The following ATOSA variants were observed in gnomAD, a reference collection of about 807,000 sequenced individuals.
The protein encoded by ATOSA is atos homolog A, also known as atos homolog protein A.
the ATOSA span, among the ~76,000 whole-genome samples, chr15:52,639,342 G>C: frequency 2.0e-5 from 3 of 152,154 alleles, no homozygotes; most frequent in Non-Finnish European, 4.4e-5. Flanking sequence ...AAAGTCTACT[G>C]ACAATAACCT....
chr15:52,630,926 C>G, the ATOSA span, among the ~76,000 whole-genome samples: 1 of 152,064 alleles, frequency 6.6e-6, no homozygotes, highest in Non-Finnish European at 1.5e-5. Flanking sequence ...GTTTAAAAAA[C>G]AAGCTAAACA....
At chr15:52,602,653 G>C in the ATOSA span, among the ~76,000 whole-genome samples, 1 of 152,210 alleles carries the variant, frequency 6.6e-6, no homozygotes, top group African/African-American at 2.4e-5. Context: ...TACCATGTGT[G>C]GCTTAGATTT....
the ATOSA span, among the ~76,000 whole-genome samples, chr15:52,626,293 T>C: frequency 6.6e-6 from 1 of 152,272 alleles, no homozygotes; most frequent in African/African-American, 2.4e-5. Context: ...ATTTAAGTAC[T>C]ACGGGAAAAG....
At chr15:52,598,006 C>T in the ATOSA span, among the ~76,000 whole-genome samples, 2 of 152,072 alleles carry the variant, frequency 1.3e-5, no homozygotes, top group Non-Finnish European at 2.9e-5. Flanking sequence ...CTCCTGTAAT[C>T]CCAGTTACTT....
At chr15:52,630,906 T>C in the ATOSA span, among the ~76,000 whole-genome samples, 1 of 152,216 alleles carries the variant, frequency 6.6e-6, no homozygotes, top group Non-Finnish European at 1.5e-5. Flanking sequence ...ATGATTCTAT[T>C]TGCATAAAAG....
At chr15:52,709,493 T>C in the ATOSA span, among the ~76,000 whole-genome samples, 1 of 152,326 alleles carries the variant, frequency 6.6e-6, no homozygotes, top group East Asian at 1.9e-4. Context: ...GTGCAGAGTA[T>C]TTTTCACACT....
At chr15:52,589,334 GA>G in the ATOSA span, among the ~76,000 whole-genome samples, 68 of 152,138 alleles carry the variant, frequency 4.5e-4, no homozygotes, top group African/African-American at 1.5e-3. Context: ...GTTTCAGAAA[GA>G]AAAAGTAAAA....
chr15:52,616,829 A>G, the ATOSA span, among the ~76,000 whole-genome samples: 1 of 152,192 alleles, frequency 6.6e-6, no homozygotes, highest in African/African-American at 2.4e-5. Context: ...TGAGAGAAAC[A>G]AGAGACTTTG....
At chr15:52,638,223 T>A in the ATOSA span, among the ~76,000 whole-genome samples, 1 of 152,344 alleles carries the variant, frequency 6.6e-6, no homozygotes, top group African/African-American at 2.4e-5. Context: ...TGAAGAAATT[T>A]TAAAGCAACA....
chr15:52,681,550 A>G, the ATOSA span, among the ~76,000 whole-genome samples: 3 of 152,174 alleles, frequency 2.0e-5, no homozygotes, highest in Admixed American at 1.3e-4. Context: ...TGAAATGGCA[A>G]TTCACTCTAA....
chr15:52,651,987 C>A, the ATOSA span: 1 of 1,530,060 alleles, frequency 6.5e-7, no homozygotes, highest in Non-Finnish European at 8.7e-7. Context: ...CAGATGTCTG[C>A]AGCGGTTAAA....
At chr15:52,638,698 CAAAA>C in the ATOSA span, among the ~76,000 whole-genome samples, 6 of 100,816 alleles carry the variant, frequency 6.0e-5, no homozygotes. Context: ...GAGACTCTGC[CAAAA>C]AAAAAAAAAA....
At chr15:52,600,157 T>A in the ATOSA span, 1 of 1,609,400 alleles carries the variant, frequency 6.2e-7, no homozygotes, top group Non-Finnish European at 8.5e-7. Context: ...TAAGACTTGT[T>A]ATAGGTGGAG....
chr15:52,695,055 G>A, the ATOSA span, among the ~76,000 whole-genome samples: 3 of 151,944 alleles, frequency 2.0e-5, no homozygotes, highest in African/African-American at 7.3e-5. Flanking sequence ...CTCCCAAGAA[G>A]CTGGGATTAC....
the ATOSA span, among the ~76,000 whole-genome samples, chr15:52,641,807 GCT>G: frequency 3.3e-5 from 5 of 152,130 alleles, no homozygotes; most frequent in Non-Finnish European, 4.4e-5. Context: ...GTTTCATATT[GCT>G]CTGTTTCCTC....
At chr15:52,624,502 G>A in the ATOSA span, among the ~76,000 whole-genome samples, 9 of 152,262 alleles carry the variant, frequency 5.9e-5, no homozygotes, top group East Asian at 1.4e-3. Context: ...TGGACAGACT[G>A]TACTGTTAAC....
chr15:52,611,382 C>T, the ATOSA span: 1 of 1,282,898 alleles, frequency 7.8e-7, no homozygotes, highest in Admixed American at 2.6e-5. Flanking sequence ...TAGGAATACA[C>T]TTACGATGTC....
At chr15:52,614,422 G>A in the ATOSA span, among the ~76,000 whole-genome samples, 1 of 151,722 alleles carries the variant, frequency 6.6e-6, no homozygotes, top group Non-Finnish European at 1.5e-5. Flanking sequence ...TACATTTTTG[G>A]GTCAGGTGTG....
the ATOSA span, chr15:52,608,908 A>C: frequency 1.2e-6 from 2 of 1,607,720 alleles, no homozygotes; most frequent in South Asian, 2.2e-5. Context: ...ATTGCCAAAG[A>C]ATTTTGGATT....
Sources: gnomAD v4.1 joint callset for allele counts (sites outside exome capture counted in the v4.1 genomes callset) on GRCh38, gnomAD v4.1.1 for gene constraint, MANE v1.5 for transcripts, NCBI Gene and HGNC (gene_info 2026-07-23, HGNC 2026-07-21) for gene names.